The following SCN9A variants were observed in gnomAD, a reference collection of about 807,000 sequenced individuals.
The protein encoded by SCN9A is sodium voltage-gated channel alpha subunit 9.
Under a neutral mutation model 187.0 loss-of-function variants are expected in SCN9A, and 131 were observed. The ratio of observed to expected loss-of-function variants is 0.70; its 90% CI spans 0.61 to 0.81. The LOEUF (loss-of-function observed/expected upper bound fraction) is 0.81, where lower values mean the gene tolerates loss of function less well. Ranked by LOEUF, SCN9A falls within the 30% of genes least tolerant of loss-of-function variation. SCN9A has a pLI of 0.00. For missense variants in SCN9A, 2,252 were observed against 2,396.6 expected, an observed-to-expected ratio of 0.94 and a Z score of 1.26; for synonymous variants, 809 against 808.6, an observed-to-expected ratio of 1.00 and a Z score of -0.01.
At chr2:166,206,838 G>T (rs1693830363) in intron 24 of SCN9A, among the ~76,000 whole-genome samples, 1 of 151,862 alleles carries the variant, frequency 6.6e-6, no homozygotes, top group East Asian at 1.9e-4. Flanking sequence ...CTAAATAAAG[G>T]ATTTCAACAT....
chr2:166,238,662 T>C (rs1695427336), intron 19 of SCN9A, among the ~76,000 whole-genome samples: 1 of 152,136 alleles, frequency 6.6e-6, no homozygotes, highest in Admixed American at 6.6e-5. Context: ...ACACTCCCCT[T>C]TTTCCCCACC....
At chr2:166,353,915 T>C (rs1700095984) in intron 1 of SCN9A, among the ~76,000 whole-genome samples, 1 of 152,210 alleles carries the variant, frequency 6.6e-6, no homozygotes, top group South Asian at 2.1e-4. Flanking sequence ...GCACATCATA[T>C]AAAATTGTTA....
intron 13 of SCN9A, among the ~76,000 whole-genome samples, chr2:166,280,969 T>C (rs1403040784): frequency 6.6e-6 from 1 of 152,104 alleles, no homozygotes; most frequent in Admixed American, 6.5e-5. Flanking sequence ...ATGACAACAA[T>C]AAGATGAGAC....
At chr2:166,358,792 C>T (rs1355259415) in intron 1 of SCN9A, among the ~76,000 whole-genome samples, 1 of 152,052 alleles carries the variant, frequency 6.6e-6, no homozygotes, top group Admixed American at 6.6e-5. Context: ...GATATTCCTC[C>T]CTCAAACCTT....
rs542642467 is a variant in SCN9A, at chr2:166,232,107, C to G, written c.3924+1233G>C. ...ACAGGGCAGGGGAAGCATTCCAGAA[C>G]AGAGGCATAAAATAGCAGGTATAAA... On this transcript the variant is annotated intron_variant, in intron 21 of 26. Coordinates refer to ENST00000642356, the MANE Select transcript of SCN9A (RefSeq NM_001365536.1). Among the ~76,000 whole-genome samples, 3 of 152,038 alleles carry G rather than the reference C, an allele frequency of 2.0e-5. No homozygotes were observed. In the South Asian group the frequency reaches 6.2e-4, roughly 32 times the overall value.
At chr2:166,258,290 A>T (rs1296840629) in intron 17 of SCN9A, among the ~76,000 whole-genome samples, 2 of 151,562 alleles carry the variant, frequency 1.3e-5, no homozygotes, top group Non-Finnish European at 3.0e-5. Context: ...ATCTAATTTC[A>T]GTAAAAGTGT....
intron 9 of SCN9A, 110 bp from the exon 10 acceptor site, chr2:166,288,753 C>A: frequency 4.2e-6 from 3 of 716,622 alleles, no homozygotes; most frequent in Non-Finnish European, 2.1e-6. Flanking sequence ...CTCATGTTAT[C>A]AAAAATATAA....
chr2:166,274,053 A>G (rs899448340), intron 16 of SCN9A, among the ~76,000 whole-genome samples: 1 of 152,192 alleles, frequency 6.6e-6, no homozygotes, highest in Non-Finnish European at 1.5e-5. Context: ...TCACTATGAA[A>G]TACATGTTTG....
At chr2:166,365,748 T>C (rs1242143983) in intron 1 of SCN9A, among the ~76,000 whole-genome samples, 1 of 152,212 alleles carries the variant, frequency 6.6e-6, no homozygotes, top group African/African-American at 2.4e-5. Context: ...CTTTAAATAA[T>C]ACCTCCTTCT....
intron 5 of SCN9A, 120 bp downstream of exon 5, chr2:166,305,672 C>T: frequency 7.4e-7 from 1 of 1,348,678 alleles, no homozygotes; most frequent in African/African-American, 1.5e-5. Context: ...CTTCCATTTT[C>T]CTTTAAATAC....
intron 16 of SCN9A, among the ~76,000 whole-genome samples, chr2:166,275,946 A>T (rs1331585067): frequency 6.6e-6 from 1 of 152,102 alleles, no homozygotes; most frequent in Non-Finnish European, 1.5e-5. Flanking sequence ...AATTTTTTTC[A>T]ACTCAGTGGG....
chr2:166,367,830 C>G (rs766901141), intron 1 of SCN9A, among the ~76,000 whole-genome samples: 1 of 152,204 alleles, frequency 6.6e-6, no homozygotes, highest in Non-Finnish European at 1.5e-5. Context: ...CCACCAAAAT[C>G]TCTATTTTGA....
At chr2:166,238,012 TA>T in intron 20 of SCN9A, 81 bp downstream of exon 20, 1 of 924,410 alleles carries the variant, frequency 1.1e-6, no homozygotes, top group Non-Finnish European at 1.6e-6. Context: ...TAAAATATGA[TA>T]ATATGCAATA....
intron 10 of SCN9A, 61 bp downstream of exon 10, chr2:166,288,376 C>A: frequency 7.5e-7 from 1 of 1,336,172 alleles, no homozygotes; most frequent in Non-Finnish European, 1.1e-6. Flanking sequence ...TACCGCAGAG[C>A]CTCTGTTGTA....
chr2:166,334,075 T>C (rs573336871), intron 1 of SCN9A, among the ~76,000 whole-genome samples: 6 of 152,206 alleles, frequency 3.9e-5, no homozygotes, highest in African/African-American at 7.2e-5. Flanking sequence ...CTTTACTCAA[T>C]GGGTTATTTT....
intron 1 of SCN9A, among the ~76,000 whole-genome samples, chr2:166,340,525 T>G (rs1699740884): frequency 7.1e-6 from 1 of 140,970 alleles, no homozygotes; most frequent in African/African-American, 2.9e-5. Flanking sequence ...CTTCCCTCTC[T>G]CCTTTCTTTT....
At chr2:166,330,246 G>A (rs1002869882) in intron 1 of SCN9A, among the ~76,000 whole-genome samples, 1 of 151,932 alleles carries the variant, frequency 6.6e-6, no homozygotes, top group Non-Finnish European at 1.5e-5. Context: ...GCCATGCAAA[G>A]CCTCCTTTTA....
At chr2:166,297,233 A>G (rs1245399818) in intron 7 of SCN9A, among the ~76,000 whole-genome samples, 5 of 146,824 alleles carry the variant, frequency 3.4e-5, no homozygotes, top group Non-Finnish European at 7.5e-5. Context: ...AAAAAGAACC[A>G]TGACTCAGTA....
At chr2:166,264,037 A>G (rs1391112661) in intron 17 of SCN9A, among the ~76,000 whole-genome samples, 2 of 151,984 alleles carry the variant, frequency 1.3e-5, no homozygotes, top group Admixed American at 6.6e-5. Context: ...GCCGTAAGAA[A>G]CTAATACATC....
Sources: allele counts gnomAD v4.1 joint callset (sites outside exome capture counted in the v4.1 genomes callset), GRCh38; gene constraint gnomAD v4.1.1; transcripts MANE v1.5; gene names NCBI Gene and HGNC (gene_info 2026-07-23, HGNC 2026-07-21).